FSTL5: variants seen among roughly 807,000 people sequenced by gnomAD.
The protein encoded by FSTL5 is follistatin like 5.
Under a neutral mutation model 89.1 loss-of-function variants are expected in FSTL5, and 62 were observed. The observed-to-expected ratio is 0.70, with a 90% CI of 0.57 to 0.86. The LOEUF (loss-of-function observed/expected upper bound fraction) is 0.86. Ranked by LOEUF, FSTL5 falls within the 40% of genes least tolerant of loss-of-function variation. The pLI is 0.00. For synonymous variants in FSTL5, 383 were observed against 346.2 expected, an observed-to-expected ratio of 1.11 and a Z score of -1.18; for missense variants, 1,057 against 1,001.6, an observed-to-expected ratio of 1.06 and a Z score of -0.75.
chr4:161,889,441 C>T (rs1169514339), intron 4 of FSTL5, among the ~76,000 whole-genome samples: 3 of 151,940 alleles, frequency 2.0e-5, no homozygotes, highest in Admixed American at 1.3e-4. Context: ...GTCAGGAGTT[C>T]GAGACCAGCC....
chr4:161,388,511 T>G (rs989302934), intron 15 of FSTL5: 1 of 152,102 alleles, frequency 6.6e-6, no homozygotes, highest in African/African-American at 2.4e-5. Context: ...TACCACTATG[T>G]AATCTCAGAT....
chr4:161,404,295 C>G (rs1406841979), intron 15 of FSTL5, among the ~76,000 whole-genome samples: 1 of 152,074 alleles, frequency 6.6e-6, no homozygotes, highest in Non-Finnish European at 1.5e-5. Context: ...ACATTGGAAG[C>G]CCTGACAAAA....
At chr4:161,439,304 C>T (rs116600160) in intron 15 of FSTL5, among the ~76,000 whole-genome samples, 132 of 152,256 alleles carry the variant, frequency 8.7e-4, no homozygotes, top group African/African-American at 2.9e-3. Flanking sequence ...TAAATGGTGT[C>T]GAGTGTGTAT....
intron 4 of FSTL5, among the ~76,000 whole-genome samples, chr4:161,831,649 T>C (rs921950779): frequency 4.6e-5 from 7 of 152,012 alleles, no homozygotes; most frequent in Middle Eastern, 6.8e-3. Context: ...TTAAATAGAA[T>C]CTTTATTCTA....
intron 6 of FSTL5, among the ~76,000 whole-genome samples, chr4:161,672,024 A>C (rs890247737): frequency 6.6e-5 from 10 of 152,202 alleles, no homozygotes; most frequent in Non-Finnish European, 1.5e-4. Flanking sequence ...GAGAGTATTT[A>C]CATTTTAATA....
chr4:161,726,774 A>G (rs949493145), intron 6 of FSTL5, among the ~76,000 whole-genome samples: 1 of 151,978 alleles, frequency 6.6e-6, no homozygotes, highest in Non-Finnish European at 1.5e-5. Flanking sequence ...CTAACTATAT[A>G]CATATATATA....
At chr4:161,840,738 G>A (rs930441) in intron 4 of FSTL5, among the ~76,000 whole-genome samples, 11,881 of 152,200 alleles carry the variant, frequency 0.078, 535 homozygotes, top group African/African-American at 0.12. Context: ...TGTACAGGAT[G>A]AACTGGGCAA....
chr4:161,639,565 A>T (rs1578987351), intron 7 of FSTL5, among the ~76,000 whole-genome samples: 1 of 152,180 alleles, frequency 6.6e-6, no homozygotes, highest in South Asian at 2.1e-4. Flanking sequence ...AGCACCAGGA[A>T]CCTGTCTCTA....
chr4:161,960,258 C>T lies in FSTL5; in HGVS notation c.161-39606G>A, dbSNP rs564620977. On this transcript the variant is annotated intron_variant, in intron 3 of 15. Coordinates refer to ENST00000306100, the MANE Select transcript of FSTL5 (RefSeq NM_020116.5). ...CTCGACTCACTGCAACCTCCACCTC[C>T]CAGGTTCAAGAGATTCTCCTGCCTC... is the stretch of plus-strand genomic sequence containing the variant. 2.0e-3 allele frequency among the ~76,000 whole-genome samples: 303 copies of T among 150,624 alleles called. 1 individual carries two copies. Among genetic ancestry groups the T allele is most frequent in the African/African-American group, 7.0e-3 (286 of 40,984 alleles).
intron 7 of FSTL5, among the ~76,000 whole-genome samples, chr4:161,624,892 G>A (rs961391271): frequency 1.3e-5 from 2 of 152,118 alleles, no homozygotes; most frequent in African/African-American, 4.8e-5. Context: ...CAGATTCTAT[G>A]CAGAAGTCCT....
At chr4:161,473,402 A>T (rs1734017438) in intron 13 of FSTL5, among the ~76,000 whole-genome samples, 1 of 145,664 alleles carries the variant, frequency 6.9e-6, no homozygotes, top group African/African-American at 2.5e-5. Context: ...TTAATAAATT[A>T]TCTCCCTCTT....
intron 2 of FSTL5, among the ~76,000 whole-genome samples, chr4:162,078,877 G>A (rs1054088529): frequency 1.3e-5 from 2 of 151,730 alleles, no homozygotes; most frequent in Non-Finnish European, 2.9e-5. Flanking sequence ...ATTGATGGAA[G>A]ATTAGAGAAA....
intron 4 of FSTL5, among the ~76,000 whole-genome samples, chr4:161,912,102 T>C (rs1437361754): frequency 6.6e-6 from 1 of 152,210 alleles, no homozygotes; most frequent in East Asian, 1.9e-4. Context: ...CAATTACATA[T>C]TCTGAATGTA....
At chr4:162,023,353 A>C (rs188429431) in intron 3 of FSTL5, among the ~76,000 whole-genome samples, 2 of 152,270 alleles carry the variant, frequency 1.3e-5, no homozygotes, top group East Asian at 3.9e-4. Context: ...ATCTAAGTTA[A>C]AAACTTCTTA....
chr4:161,580,030 T>G lies in FSTL5; in HGVS notation c.1015+7425A>C, dbSNP rs1270584853. Among the ~76,000 whole-genome samples the G allele has an allele frequency of 5.9e-5, 9 of 152,150 alleles. No individual in the cohort carries two copies. In the South Asian group the frequency reaches 1.2e-3, roughly 21 times the overall value. ...TTACTTTGGACTAATTTTTTGGAAC[T>G]TTAATCTCTTCAGTTTTATTTCTCT... On this transcript the variant is annotated intron_variant, in intron 8 of 15. Coordinates refer to ENST00000306100, the MANE Select transcript of FSTL5 (RefSeq NM_020116.5).
chr4:162,070,814 A>G (rs1406631942), intron 2 of FSTL5, among the ~76,000 whole-genome samples: 2 of 151,822 alleles, frequency 1.3e-5, no homozygotes, highest in African/African-American at 4.8e-5. Flanking sequence ...AAGGCTATCC[A>G]TTAGAAATAA....
intron 11 of FSTL5, among the ~76,000 whole-genome samples, chr4:161,506,845 AT>A (rs1730498448): frequency 6.6e-6 from 1 of 152,048 alleles, no homozygotes; most frequent in African/African-American, 2.4e-5. Flanking sequence ...TCTATTTGTA[AT>A]TTTTTTGGTT....
intron 1 of FSTL5, among the ~76,000 whole-genome samples, chr4:162,155,913 A>G (rs1561050408): frequency 6.6e-6 from 1 of 152,230 alleles, no homozygotes; most frequent in Non-Finnish European, 1.5e-5. Context: ...GAGAGTGTCA[A>G]CTTAATGTAA....
chr4:161,763,941 T>TC (rs1407363913), intron 5 of FSTL5, among the ~76,000 whole-genome samples: 1 of 152,010 alleles, frequency 6.6e-6, no homozygotes, highest in South Asian at 2.1e-4. Flanking sequence ...GCTTCTTGTC[T>TC]CCCCCCTTTC....
Sources: gnomAD v4.1 joint callset for allele counts (sites outside exome capture counted in the v4.1 genomes callset) on GRCh38, gnomAD v4.1.1 for gene constraint, MANE v1.5 for transcripts, NCBI Gene and HGNC (gene_info 2026-07-23, HGNC 2026-07-21) for gene names.